The following KCNIP4 variants were observed in gnomAD, a reference collection of about 807,000 sequenced individuals.
KCNIP4 encodes Kv channel-interacting protein 4.
KCNIP4 carries 12 observed loss-of-function variants against 34.0 expected under a neutral mutation model. That is an observed-to-expected ratio of 0.35 (90% CI 0.23 to 0.57). KCNIP4 has a LOEUF of 0.57. KCNIP4 is among the 20% of genes least tolerant of loss of function. The pLI is 0.83. For missense variants in KCNIP4, 238 were observed against 311.7 expected (o/e 0.76, Z 1.78); for synonymous variants, 124 against 102.2 (o/e 1.21, Z -1.29).
chr4:20,969,556 TTGTGTG>T (rs113668496), intron 1 of KCNIP4, among the ~76,000 whole-genome samples: 1 of 149,596 alleles, frequency 6.7e-6, no homozygotes, highest in Admixed American at 6.7e-5. Context: ...GCGTGTGTGT[TTGTGTG>T]TGTGTGTGTG....
At chr4:21,783,288 T>C (rs73104078) in intron 1 of KCNIP4, among the ~76,000 whole-genome samples, 18,056 of 152,068 alleles carry the variant, frequency 0.12, 1,167 homozygotes, top group Middle Eastern at 0.14. Context: ...TGTATTCAAA[T>C]TAAATGGTTA....
At chr4:21,110,584 T>C (rs865853310) in intron 1 of KCNIP4, among the ~76,000 whole-genome samples, 13 of 152,242 alleles carry the variant, frequency 8.5e-5, no homozygotes, top group Non-Finnish European at 1.5e-4. Context: ...GTGCTATAAA[T>C]GGAATGTTTG....
intron 1 of KCNIP4, among the ~76,000 whole-genome samples, chr4:21,209,285 T>C (rs1337308650): frequency 1.3e-5 from 2 of 152,166 alleles, no homozygotes; most frequent in Non-Finnish European, 2.9e-5. Context: ...TCCTTCTAAC[T>C]ATTTGAAACT....
chr4:20,958,526 G>A (rs1003579066), intron 1 of KCNIP4, among the ~76,000 whole-genome samples: 4 of 152,130 alleles, frequency 2.6e-5, no homozygotes, highest in African/African-American at 7.2e-5. Context: ...AGAGGAATAC[G>A]TAAAGTGTGG....
At chr4:20,739,353 A>C (rs763550168) in intron 5 of KCNIP4, among the ~76,000 whole-genome samples, 13 of 152,314 alleles carry the variant, frequency 8.5e-5, no homozygotes, top group Middle Eastern at 3.4e-3. Flanking sequence ...CTGACACCTC[A>C]TACAGCCAGG....
intron 1 of KCNIP4, among the ~76,000 whole-genome samples, chr4:20,982,794 T>C (rs1334576001): frequency 2.6e-5 from 4 of 152,202 alleles, no homozygotes; most frequent in African/African-American, 9.6e-5. Context: ...GTTAGAAAGA[T>C]TACAGAAAGC....
intron 1 of KCNIP4, among the ~76,000 whole-genome samples, chr4:21,427,725 G>A (rs1367109753): frequency 6.6e-6 from 1 of 152,156 alleles, no homozygotes. Flanking sequence ...TAGGAGCTAG[G>A]TCTTGACATG....
chr4:21,282,623 A>T (rs1471913114), intron 1 of KCNIP4, among the ~76,000 whole-genome samples: 1 of 152,226 alleles, frequency 6.6e-6, no homozygotes, highest in Non-Finnish European at 1.5e-5. Context: ...TATGTTATCC[A>T]GTGTTTCACA....
intron 1 of KCNIP4, among the ~76,000 whole-genome samples, chr4:21,372,199 TATAA>T (rs1440095697): frequency 1.1e-4 from 16 of 147,324 alleles, no homozygotes; most frequent in South Asian, 8.4e-4. Context: ...AAGGCCAAAT[TATAA>T]ATAGAGTCTT....
At chr4:20,884,437 C>A (rs931021280) in intron 1 of KCNIP4, among the ~76,000 whole-genome samples, 3 of 151,696 alleles carry the variant, frequency 2.0e-5, no homozygotes, top group African/African-American at 4.8e-5. Flanking sequence ...TGTGATGTTC[C>A]CCTTCTTTTA....
intron 1 of KCNIP4, chr4:21,850,464 G>A (rs933624756): frequency 2.6e-5 from 4 of 152,100 alleles, no homozygotes; most frequent in Admixed American, 2.6e-4. Context: ...AAGAGGAAGA[G>A]AGAACTAAGC....
At chr4:20,906,107 TCTCTCTTTCTCTTC>T (rs1396788738) in intron 1 of KCNIP4, among the ~76,000 whole-genome samples, 11 of 150,852 alleles carry the variant, frequency 7.3e-5, no homozygotes, top group Non-Finnish European at 1.3e-4. Flanking sequence ...TCTCTCTTTT[TCTCTCTTTCTCTTC>T]CTCTCTTTCT....
At chr4:21,843,780 G>A (rs1245240306) in intron 1 of KCNIP4, 1 of 152,030 alleles carries the variant, frequency 6.6e-6, no homozygotes, top group South Asian at 2.1e-4. Flanking sequence ...AATTACAATT[G>A]CAAGTAATAT....
chr4:21,194,854 A>G (rs6448032), intron 1 of KCNIP4, among the ~76,000 whole-genome samples: 67,473 of 152,056 alleles, frequency 0.44, 17,272 homozygotes, highest in African/African-American at 0.72. Context: ...AACAGCTGTC[A>G]TGTTAAGGCA....
chr4:21,052,586 G>A (rs938803556), intron 1 of KCNIP4, among the ~76,000 whole-genome samples: 3 of 152,132 alleles, frequency 2.0e-5, no homozygotes, highest in African/African-American at 4.8e-5. Context: ...TTTCCTGAAG[G>A]TAATGGTCAT....
chr4:20,910,575 C>A (rs922479479), intron 1 of KCNIP4, among the ~76,000 whole-genome samples: 1 of 152,138 alleles, frequency 6.6e-6, no homozygotes, highest in Non-Finnish European at 1.5e-5. Flanking sequence ...ACGGAAATTT[C>A]AGAGAAAGCT....
intron 1 of KCNIP4, among the ~76,000 whole-genome samples, chr4:21,175,966 A>G (rs1324979267): frequency 6.6e-6 from 1 of 150,724 alleles, no homozygotes; most frequent in Non-Finnish European, 1.5e-5. Flanking sequence ...GTTTTTTTTT[A>G]GAGTTGTGTT....
intron 1 of KCNIP4, among the ~76,000 whole-genome samples, chr4:21,131,366 G>C (rs1045004608): frequency 2.0e-5 from 3 of 152,136 alleles, no homozygotes; most frequent in Non-Finnish European, 2.9e-5. Flanking sequence ...CTCTTCTTTA[G>C]AAGTCAGGGC....
intron 3 of KCNIP4, among the ~76,000 whole-genome samples, chr4:20,786,855 ATG>A (rs1262678173): frequency 2.2e-5 from 3 of 134,006 alleles, no homozygotes; most frequent in African/African-American, 8.5e-5. Flanking sequence ...ATCTTTATCA[ATG>A]ATATAGCCTT....
Sources: gnomAD v4.1 joint callset for allele counts (sites outside exome capture counted in the v4.1 genomes callset) on GRCh38, gnomAD v4.1.1 for gene constraint, MANE v1.5 for transcripts, NCBI Gene and HGNC (gene_info 2026-07-23, HGNC 2026-07-21) for gene names.